ABTB3: variants seen among roughly 807,000 people sequenced by gnomAD.
The protein encoded by ABTB3 is ankyrin repeat- and BTB/POZ domain-containing protein 3.
chr12:107,616,696 C>A, the ABTB3 span, among the ~76,000 whole-genome samples: 2 of 152,198 alleles, frequency 1.3e-5, no homozygotes, highest in Non-Finnish European at 2.9e-5. Flanking sequence ...GTGTAACCAG[C>A]CCAGGAGGGG....
At chr12:107,593,707 A>G in the ABTB3 span, among the ~76,000 whole-genome samples, 2 of 152,224 alleles carry the variant, frequency 1.3e-5, no homozygotes, top group African/African-American at 4.8e-5. Context: ...TCTCCCTCAT[A>G]TAACAGTCCA....
the ABTB3 span, among the ~76,000 whole-genome samples, chr12:107,455,136 A>C: frequency 6.6e-6 from 1 of 152,242 alleles, no homozygotes; most frequent in Non-Finnish European, 1.5e-5. Flanking sequence ...AGAGAGCCCA[A>C]GCATGTGGCC....
chr12:107,488,673 T>A, the ABTB3 span, among the ~76,000 whole-genome samples: 152 of 149,702 alleles, frequency 1.0e-3, no homozygotes, highest in Non-Finnish European at 1.4e-3. Context: ...TATATATATA[T>A]AAAATATTAT....
the ABTB3 span, among the ~76,000 whole-genome samples, chr12:107,544,748 A>C: frequency 6.6e-6 from 1 of 152,164 alleles, no homozygotes; most frequent in Non-Finnish European, 1.5e-5. Context: ...TCCCTCCTCC[A>C]TACAGACTCA....
the ABTB3 span, among the ~76,000 whole-genome samples, chr12:107,445,061 C>T: frequency 2.0e-5 from 3 of 152,212 alleles, no homozygotes; most frequent in Non-Finnish European, 2.9e-5. Flanking sequence ...CTCCCCCCAG[C>T]CTGGGGCCCC....
At chr12:107,493,374 G>A in the ABTB3 span, among the ~76,000 whole-genome samples, 5 of 152,162 alleles carry the variant, frequency 3.3e-5, no homozygotes, top group Non-Finnish European at 5.9e-5. Context: ...TCAGGCCCAG[G>A]CATGAAGACA....
chr12:107,656,298 C>CAAAA, the ABTB3 span, among the ~76,000 whole-genome samples: 5 of 141,260 alleles, frequency 3.5e-5, no homozygotes, highest in Non-Finnish European at 3.1e-5. Context: ...GAGGCTCTGT[C>CAAAA]AAAAAAAAAA....
At chr12:107,624,942 T>C in the ABTB3 span, among the ~76,000 whole-genome samples, 1 of 152,204 alleles carries the variant, frequency 6.6e-6, no homozygotes, top group South Asian at 2.1e-4. Context: ...CCTTTTACAT[T>C]CCCACTGGAA....
the ABTB3 span, among the ~76,000 whole-genome samples, chr12:107,512,992 C>T: frequency 6.6e-6 from 1 of 152,214 alleles, no homozygotes; most frequent in Non-Finnish European, 1.5e-5. Flanking sequence ...AGGGTTCAAA[C>T]CCAGGCAATG....
chr12:107,605,619 T>A, the ABTB3 span, among the ~76,000 whole-genome samples: 1 of 152,156 alleles, frequency 6.6e-6, no homozygotes, highest in African/African-American at 2.4e-5. Flanking sequence ...CTGGACTTTA[T>A]CCCCAGTGCA....
chr12:107,574,075 C>T, the ABTB3 span, among the ~76,000 whole-genome samples: 1 of 152,166 alleles, frequency 6.6e-6, no homozygotes, highest in Non-Finnish European at 1.5e-5. Context: ...GAACAAACTC[C>T]CCAAGACTGA....
At chr12:107,367,610 G>T in the ABTB3 span, among the ~76,000 whole-genome samples, 3 of 152,116 alleles carry the variant, frequency 2.0e-5, no homozygotes, top group Admixed American at 6.5e-5. Context: ...CAGCTCAAGC[G>T]ATTCTCGTGC....
the ABTB3 span, among the ~76,000 whole-genome samples, chr12:107,321,224 CCTGT>C: frequency 9.1e-4 from 138 of 152,326 alleles, no homozygotes; most frequent in Non-Finnish European, 1.7e-3. Flanking sequence ...CATGTTGCTG[CCTGT>C]CTGTTTCCCG....
the ABTB3 span, among the ~76,000 whole-genome samples, chr12:107,547,036 G>T: frequency 6.6e-6 from 1 of 152,108 alleles, no homozygotes; most frequent in East Asian, 1.9e-4. Context: ...TCTATGAAAA[G>T]TACAAAAATT....
chr12:107,399,996 G>A, the ABTB3 span, among the ~76,000 whole-genome samples: 6 of 152,194 alleles, frequency 3.9e-5, no homozygotes, highest in East Asian at 9.7e-4. Flanking sequence ...CTTCATCCAT[G>A]TCCCTGCAAA....
the ABTB3 span, among the ~76,000 whole-genome samples, chr12:107,460,237 G>A: frequency 1.3e-5 from 2 of 152,256 alleles, no homozygotes; most frequent in Non-Finnish European, 2.9e-5. Flanking sequence ...CAGCAGCTGT[G>A]TGGCTTTAGG....
At chr12:107,413,182 G>T in the ABTB3 span, among the ~76,000 whole-genome samples, 2 of 152,176 alleles carry the variant, frequency 1.3e-5, no homozygotes, top group African/African-American at 4.8e-5. Context: ...GCTGAGGCAG[G>T]AGAATGGCGT....
At chr12:107,434,866 T>TG in the ABTB3 span, among the ~76,000 whole-genome samples, 3,281 of 148,544 alleles carry the variant, frequency 0.022, 118 homozygotes, top group African/African-American at 0.076. Context: ...CCTGTTGTCT[T>TG]GGGAAAAAAA....
At chr12:107,642,809 A>G in the ABTB3 span, among the ~76,000 whole-genome samples, 1 of 145,566 alleles carries the variant, frequency 6.9e-6, no homozygotes, top group Non-Finnish European at 1.6e-5. Context: ...TGACATGACC[A>G]TTTCTCCTTC....
Sources: gnomAD v4.1 joint callset for allele counts (sites outside exome capture counted in the v4.1 genomes callset) on GRCh38, gnomAD v4.1.1 for gene constraint, MANE v1.5 for transcripts, NCBI Gene and HGNC (gene_info 2026-07-23, HGNC 2026-07-21) for gene names.